Variants in SYT9 observed in about 807,000 individuals in gnomAD.
The protein encoded by SYT9 is synaptotagmin-9.
SYT9 carries 22 observed loss-of-function variants against 48.4 expected under a neutral mutation model. The ratio of observed to expected loss-of-function variants is 0.45; its 90% CI spans 0.32 to 0.65. The LOEUF is 0.65. Among genes scored for constraint, SYT9 ranks in the 30% least tolerant of loss-of-function variants. The pLI is 0.03. For synonymous variants in SYT9, 265 were observed against 245.0 expected (o/e 1.08, Z -0.76); for missense variants, 577 against 622.0 (o/e 0.93, Z 0.77).
intron 1 of SYT9, among the ~76,000 whole-genome samples, chr11:7,299,250 A>G (rs1298148156): frequency 6.6e-6 from 1 of 152,166 alleles, no homozygotes; most frequent in Non-Finnish European, 1.5e-5. Context: ...TTTGGAGGTC[A>G]TGGGTCTGAG....
chr11:7,448,118 G>A (rs567041671), intron 6 of SYT9, among the ~76,000 whole-genome samples: 40 of 152,334 alleles, frequency 2.6e-4, no homozygotes, highest in African/African-American at 8.7e-4. Context: ...CAGTCTGCAA[G>A]GAGAGAATAG....
intron 1 of SYT9, among the ~76,000 whole-genome samples, chr11:7,277,846 G>A (rs1358264713): frequency 1.3e-5 from 2 of 152,318 alleles, no homozygotes; most frequent in South Asian, 4.1e-4. Context: ...GCTGAGAAAG[G>A]CACAGTGCTA....
chr11:7,339,820 A>T (rs1404026242), intron 3 of SYT9, among the ~76,000 whole-genome samples: 1 of 152,094 alleles, frequency 6.6e-6, no homozygotes, highest in Non-Finnish European at 1.5e-5. Context: ...GGAAAATCTG[A>T]TGATTATGCA....
chr11:7,384,063 CA>C (rs1850612818), intron 3 of SYT9, among the ~76,000 whole-genome samples: 1 of 5,616 alleles, frequency 1.8e-4, no homozygotes, highest in Admixed American at 2.3e-3. Flanking sequence ...ATTCACTAGC[CA>C]CACACACACA....
At chr11:7,417,865 T>C in intron 4 of SYT9, 92 bp from the exon 5 acceptor site, 1 of 1,380,070 alleles carries the variant, frequency 7.2e-7, no homozygotes, top group Non-Finnish European at 9.9e-7. Flanking sequence ...GAGTTCAGCA[T>C]ACCATAGTCC....
rs749934841 is a variant in SYT9 at position 7,313,878 on chromosome 11, C to G, written c.981C>G (p.Phe327Leu). 1.2e-6 allele frequency: 2 copies of G among 1,613,994 alleles called. No individual in the cohort carries two copies. Among genetic ancestry groups the G allele is most frequent in the African/African-American group, 2.7e-5 (2 of 74,934 alleles). The change falls in exon 3 of 7, where the codon TTC becomes TTG. Residue 327 changes from phenylalanine to leucine, a missense_variant. Coordinates refer to ENST00000318881, the MANE Select transcript of SYT9 (RefSeq NM_175733.4). Reference sequence around the variant, plus strand: ...TCGGCCAAGTGGTGGTGGATCACTTCCTAGACTTGGCTGATTTCCCCAGGG... The same window carrying G: ...TCGGCCAAGTGGTGGTGGATCACTTGCTAGACTTGGCTGATTTCCCCAGGG... ...DLIGQVVVDH[F>L]LDLADFPREC...
chr11:7,385,511 A>G (rs1370619198), intron 3 of SYT9, among the ~76,000 whole-genome samples: 1 of 152,004 alleles, frequency 6.6e-6, no homozygotes, highest in South Asian at 2.1e-4. Context: ...TAGGAAGGCA[A>G]ATGAAAAGAA....
At chr11:7,335,801 C>T (rs2346816) in intron 3 of SYT9, among the ~76,000 whole-genome samples, 60,315 of 151,878 alleles carry the variant, frequency 0.4, 12,430 homozygotes, top group African/African-American at 0.48. Flanking sequence ...AGTGCTGCAA[C>T]GAATATACAC....
At chr11:7,459,827 G>A (rs4509735) in intron 6 of SYT9, among the ~76,000 whole-genome samples, 4 of 151,902 alleles carry the variant, frequency 2.6e-5, no homozygotes, top group African/African-American at 9.7e-5. Flanking sequence ...AGCTATAAGC[G>A]AAGGATTGCT....
At chr11:7,406,820 T>G (rs1847024281) in intron 3 of SYT9, among the ~76,000 whole-genome samples, 1 of 152,104 alleles carries the variant, frequency 6.6e-6, no homozygotes, top group Non-Finnish European at 1.5e-5. Flanking sequence ...CAACAGTATA[T>G]AAGAATTCCC....
At chr11:7,400,033 T>G (rs1846856907) in intron 3 of SYT9, among the ~76,000 whole-genome samples, 1 of 152,180 alleles carries the variant, frequency 6.6e-6, no homozygotes. Flanking sequence ...ATAATGTTTA[T>G]GCCACGTACT....
chr11:7,319,200 T>C (rs76268492), intron 3 of SYT9, among the ~76,000 whole-genome samples: 35,047 of 136,280 alleles, frequency 0.26, 3,993 homozygotes, highest in Middle Eastern at 0.3. Flanking sequence ...TTCTTTTTTT[T>C]TTTTTTTTTT....
At chr11:7,434,539 GA>G (rs748802932) in intron 6 of SYT9, among the ~76,000 whole-genome samples, 38 of 152,132 alleles carry the variant, frequency 2.5e-4, no homozygotes, top group African/African-American at 1.7e-4. Context: ...GAAGGGTGTG[GA>G]AGCTGGACTC....
At chr11:7,395,556 G>A (rs1327076005) in intron 3 of SYT9, among the ~76,000 whole-genome samples, 1 of 151,902 alleles carries the variant, frequency 6.6e-6, no homozygotes, top group Non-Finnish European at 1.5e-5. Context: ...GGATAGTTAA[G>A]TCTTCTTGTT....
chr11:7,241,332 C>T (rs1013360791), intron 1 of SYT9, among the ~76,000 whole-genome samples: 2 of 151,716 alleles, frequency 1.3e-5, no homozygotes, highest in African/African-American at 4.8e-5. Context: ...TGAGGTACTA[C>T]CCAGATGGAA....
At chr11:7,457,391 A>C (rs944870507) in intron 6 of SYT9, 12 of 152,236 alleles carry the variant, frequency 7.9e-5, no homozygotes, top group Admixed American at 5.9e-4. Flanking sequence ...TGTGTGTGTC[A>C]TCCCCAGCAC....
intron 3 of SYT9, among the ~76,000 whole-genome samples, chr11:7,333,555 T>TA (rs1031084242): frequency 6.6e-6 from 1 of 152,240 alleles, no homozygotes; most frequent in African/African-American, 2.4e-5. Flanking sequence ...CCTTCTTTTA[T>TA]AAAAAGTCTA....
chr11:7,272,905 C>T (rs1877849), intron 1 of SYT9, among the ~76,000 whole-genome samples: 2,291 of 152,084 alleles, frequency 0.015, 58 homozygotes, highest in African/African-American at 0.053. Context: ...CCTTAGGGAC[C>T]CTCAATGAGT....
intron 1 of SYT9, among the ~76,000 whole-genome samples, chr11:7,287,278 ACTCT>A (rs1353700576): frequency 6.6e-6 from 1 of 152,006 alleles, no homozygotes; most frequent in South Asian, 2.1e-4. Context: ...TTGAGAACTC[ACTCT>A]CTATCACAAG....
Sources: gnomAD v4.1 joint callset for allele counts (sites outside exome capture counted in the v4.1 genomes callset) on GRCh38, gnomAD v4.1.1 for gene constraint, MANE v1.5 for transcripts, NCBI Gene and HGNC (gene_info 2026-07-23, HGNC 2026-07-21) for gene names.